Variants in SYNE2 observed in about 807,000 individuals in gnomAD.
SYNE2 encodes the protein nesprin-2.
A neutral mutation model predicts 856.3 loss-of-function variants in SYNE2; 431 were observed. The observed-to-expected ratio is 0.50, with a 90% CI of 0.47 to 0.55. The LOEUF (loss-of-function observed/expected upper bound fraction) is 0.55. Ranked by LOEUF, SYNE2 falls within the 20% of genes least tolerant of loss-of-function variation. The probability of loss-of-function intolerance (pLI) is 0.00; values close to 1 mark genes in which losing one functional copy is unlikely to be tolerated. For synonymous variants in SYNE2, 2,923 were observed against 2,872.3 expected, an observed-to-expected ratio of 1.02 and a Z score of -0.56; for missense variants, 8,129 against 8,023.2, an observed-to-expected ratio of 1.01 and a Z score of -0.50.
intron 32 of SYNE2, among the ~76,000 whole-genome samples, chr14:64,015,736 G>A (rs565828301): frequency 3.3e-5 from 5 of 151,686 alleles, no homozygotes; most frequent in South Asian, 2.1e-4. Context: ...CTTGCTTTGG[G>A]TTTATTTTGT....
At chr14:63,861,285 C>T (rs1369161292) in intron 1 of SYNE2, among the ~76,000 whole-genome samples, 3 of 151,682 alleles carry the variant, frequency 2.0e-5, no homozygotes, top group Admixed American at 6.6e-5. Flanking sequence ...GCTGGGATTA[C>T]AGGTGCGCAC....
intron 99 of SYNE2, among the ~76,000 whole-genome samples, chr14:64,193,728 A>G (rs2098528485): frequency 6.6e-6 from 1 of 151,986 alleles, no homozygotes; most frequent in Admixed American, 6.5e-5. Context: ...CTTAAAAACC[A>G]CATTAGATTT....
intron 19 of SYNE2, among the ~76,000 whole-genome samples, chr14:63,988,871 C>A (rs941965776): frequency 3.9e-5 from 6 of 152,138 alleles, no homozygotes; most frequent in African/African-American, 9.7e-5. Context: ...CCTCATGATT[C>A]AATTACCTCT....
In SYNE2 at chr14:64,098,135, T is replaced by C. The variant is rs1294546477; in HGVS notation, c.12295T>C (p.Ser4099Pro). 3.1e-6 allele frequency: 5 copies of C among 1,613,850 alleles called. No individual in the cohort carries two copies. In the East Asian group the frequency reaches 1.1e-4, roughly 36 times the overall value. The change falls in exon 62 of 116, where the codon TCT becomes CCT. Residue 4099 changes from serine to proline, a missense_variant. Physicochemically the swap from Ser to Pro is moderately conservative, Grantham distance 74. Around this residue, in one of 3 missense-constraint regions of SYNE2, gnomAD observed 5,410 missense variants for 5,284.8 expected, o/e 1.02. Transcript: ENST00000555002. ...AGGTGGAGTGGCAGAGAGGGATGCT[T>C]CTGAGCGGAAGGTGGGTATGACTTT... ...EEGGVAERDA[S>P]ERKLNRRGSM...
chr14:64,026,641 G>T lies in SYNE2; in HGVS notation c.6315G>T (p.Glu2105Asp). 6.2e-7 allele frequency: 1 copy of T among 1,613,698 alleles called. No individual in the cohort carries two copies. Among genetic ancestry groups the T allele is most frequent in the South Asian group, 1.1e-5 (1 of 91,010 alleles). ...TAGAGACCATCATGAAGCAGGCTGA[G>T]AGCAGCGAGGCCCCGCTGGTTCAGA... ...ARIETIMKQAESSEAPLVQKT... is the reference protein window; with the variant it reads ...ARIETIMKQADSSEAPLVQKT... The change falls in exon 42 of 116, where the codon GAG (glutamate) becomes GAT (aspartate). Residue 2105 changes from glutamate to aspartate, a missense_variant. Transcript: ENST00000555002.
At chr14:63,919,879 T>C (rs2095576209) in intron 2 of SYNE2, among the ~76,000 whole-genome samples, 1 of 150,690 alleles carries the variant, frequency 6.6e-6, no homozygotes, top group Non-Finnish European at 1.5e-5. Flanking sequence ...GAGGAGAGAA[T>C]AGGAGAACGA....
At chr14:64,205,479 A>T (rs1248997362) in intron 100 of SYNE2, among the ~76,000 whole-genome samples, 1 of 152,220 alleles carries the variant, frequency 6.6e-6, no homozygotes, top group Non-Finnish European at 1.5e-5. Flanking sequence ...TTCAAACTAA[A>T]TATAATAAAT....
intron 64 of SYNE2, among the ~76,000 whole-genome samples, chr14:64,102,786 C>A (rs912246851): frequency 6.6e-6 from 1 of 151,966 alleles, no homozygotes; most frequent in African/African-American, 2.4e-5. Flanking sequence ...TGTCCTTTGA[C>A]CAACATCTCC....
intron 64 of SYNE2, among the ~76,000 whole-genome samples, chr14:64,102,501 ATTTTTTTTTT>A (rs1211142346): frequency 8.5e-6 from 1 of 118,268 alleles, no homozygotes; most frequent in Non-Finnish European, 1.7e-5. Context: ...CATGGGCTGA[ATTTTTTTTTT>A]TTTTTTTTTT....
intron 60 of SYNE2, 141 bp from the exon 61 acceptor site, chr14:64,093,208 G>A (rs1209624056): frequency 1.1e-6 from 1 of 940,228 alleles, no homozygotes; most frequent in African/African-American, 1.7e-5. Flanking sequence ...CTCTGTTTAG[G>A]CTACCACGTC....
At chr14:63,843,013 AT>A (rs1001900368) in intron 1 of SYNE2, among the ~76,000 whole-genome samples, 9 of 151,652 alleles carry the variant, frequency 5.9e-5, no homozygotes, top group Non-Finnish European at 1.2e-4. Flanking sequence ...TATGAAGGGT[AT>A]TGTTTTTTGT....
intron 92 of SYNE2, among the ~76,000 whole-genome samples, chr14:64,168,674 A>T (rs1357391674): frequency 6.6e-6 from 1 of 152,232 alleles, no homozygotes; most frequent in Admixed American, 6.5e-5. Flanking sequence ...TGTAATTATT[A>T]TTAGACCTGT....
intron 68 of SYNE2, 102 bp downstream of exon 68, chr14:64,121,163 G>A (rs1299177417): frequency 3.2e-5 from 48 of 1,522,530 alleles, no homozygotes; most frequent in Non-Finnish European, 4.3e-5. Flanking sequence ...GCTGAGGTGG[G>A]AGGATCACCT....
chr14:64,002,121 C>A, intron 29 of SYNE2, 40 bp downstream of exon 29: 3 of 1,489,184 alleles, frequency 2.0e-6, no homozygotes, highest in Non-Finnish European at 2.8e-6. Context: ...ACAGAATAAT[C>A]GAGTCTTTTG....
At chr14:63,829,737 C>A (rs1051431687) in intron 1 of SYNE2, among the ~76,000 whole-genome samples, 2 of 152,096 alleles carry the variant, frequency 1.3e-5, no homozygotes, top group Non-Finnish European at 2.9e-5. Context: ...CCTCCTCAGC[C>A]TGCCTCCCAA....
Position 64,070,849 on chromosome 14 carries a change from G to C in SYNE2, c.10636G>C (p.Gly3546Arg), listed in dbSNP as rs772491043. 1.9e-6 allele frequency: 3 copies of C among 1,614,174 alleles called. No homozygotes were observed. Among genetic ancestry groups the C allele is most frequent in the Non-Finnish European group, 2.5e-6 (3 of 1,180,028 alleles). ...TATCCAGAATGTTCCTGAAAGCTCA[G>C]GGGCTGTGGAAACTGTTCCAGCATT... is the stretch of plus-strand genomic sequence containing the variant. ...RSIQNVPESS[G>R]AVETVPAFQE... is the part of the protein sequence containing the mutation. Residue 3546 changes from glycine (G) to arginine (R), a missense_variant, in exon 52 of 116, where the codon GGG (glycine) becomes CGG (arginine). Physicochemically the swap from Gly to Arg is moderately radical, Grantham distance 125. This residue lies in a region of SYNE2 where 5,410 missense variants were observed against 5,284.8 expected (regional missense o/e 1.02). Transcript: ENST00000555002.
rs35804232 is a variant in SYNE2, at chr14:64,224,181, C to CAAAAAAAAAAAA, written c.20383-270_20383-259dup. Among the ~76,000 whole-genome samples, 44 of 74,742 alleles carry CAAAAAAAAAAAA rather than the reference C, an allele frequency of 5.9e-4. 1 individual carries two copies. The highest frequency in any genetic ancestry group is 2.1e-3 in the African/African-American group (39 of 18,194). The allele number at this position is 74,742 out of a possible 152,430, so 49.0% of individuals were successfully genotyped here. A position where few individuals can be genotyped will look rare whatever the true frequency, so the allele number is the denominator to read the frequency against. ...GCAACATGGTGAAATCCCGTCTCTG[C>CAAAAAAAAAAAA]AAAAAAAAAAAAAAAAAAAAATACA... On this transcript the variant is annotated intron_variant, in intron 113 of 115. Coordinates refer to ENST00000555002, the MANE Select transcript of SYNE2 (RefSeq NM_182914.3).
Position 64,081,595 on chromosome 14 carries a change from A to G in SYNE2, c.11484+15A>G, listed in dbSNP as rs1455426904. ...GCACTGTGCAGGTAAGTGTTCTTCC[A>G]GGTTTTCTGCCACTCATAGCATCTA... On this transcript the variant is annotated intron_variant, in intron 57 of 115. Transcript: ENST00000555002. The G allele has an allele frequency of 1.2e-6, 2 of 1,613,594 alleles. No homozygotes were observed. The highest frequency in any genetic ancestry group is 8.5e-7 in the Non-Finnish European group (1 of 1,179,880).
upstream of SYNE2, among the ~76,000 whole-genome samples, chr14:63,850,347 C>T (rs1890369510): frequency 6.6e-6 from 1 of 151,370 alleles, no homozygotes; most frequent in Non-Finnish European, 1.5e-5. Flanking sequence ...CTCAGCCGCC[C>T]AAAGTGCTGG....
Sources: gnomAD v4.1 joint callset for allele counts (sites outside exome capture counted in the v4.1 genomes callset) on GRCh38, gnomAD v4.1.1 for gene constraint, gnomAD v4.1.1 regional missense constraint, MANE v1.5 for transcripts, NCBI Gene and HGNC (gene_info 2026-07-23, HGNC 2026-07-21) for gene names.